Variants in MYO9A observed in about 807,000 individuals in gnomAD.
The protein encoded by MYO9A is unconventional myosin-IXa.
A neutral mutation model predicts 293.3 loss-of-function variants in MYO9A; 103 were observed. That is an observed-to-expected ratio of 0.35 (90% CI 0.30 to 0.41). The LOEUF (loss-of-function observed/expected upper bound fraction) is 0.41. Ranked by LOEUF, MYO9A falls within the 10% of genes least tolerant of loss-of-function variation. The pLI is 1.00. For synonymous variants in MYO9A, 1,001 were observed against 1,035.7 expected, an observed-to-expected ratio of 0.97 and a Z score of 0.64; for missense variants, 2,685 against 3,033.0, an observed-to-expected ratio of 0.89 and a Z score of 2.69.
intron 41 of MYO9A, 105 bp downstream of exon 41, chr15:71,827,779 G>A (rs890527780): frequency 1.6e-6 from 2 of 1,260,876 alleles, no homozygotes; most frequent in Non-Finnish European, 2.2e-6. Flanking sequence ...TGTTATTGCT[G>A]ATGTACAGTC....
chr15:71,899,119 C>CAG, intron 24 of MYO9A, 87 bp from the exon 25 acceptor site: 1 of 1,253,738 alleles, frequency 8.0e-7, no homozygotes, highest in South Asian at 1.5e-5. Flanking sequence ...AGAAAAAATG[C>CAG]AGAGTTGTAA....
intron 31 of MYO9A, among the ~76,000 whole-genome samples, chr15:71,876,580 C>T (rs184621001): frequency 1.5e-3 from 226 of 151,808 alleles, no homozygotes; most frequent in Non-Finnish European, 2.8e-3. Flanking sequence ...GGACTACAGG[C>T]GTGTGCCAGC....
chr15:71,885,205 T>C (rs2056984682), intron 27 of MYO9A, among the ~76,000 whole-genome samples: 1 of 152,088 alleles, frequency 6.6e-6, no homozygotes, highest in Admixed American at 6.6e-5. Context: ...ACCATTCCAG[T>C]CCTAACCATA....
intron 4 of MYO9A, among the ~76,000 whole-genome samples, chr15:72,023,025 C>G (rs528727791): frequency 6.6e-6 from 1 of 151,956 alleles, no homozygotes; most frequent in Non-Finnish European, 1.5e-5. Flanking sequence ...CAATGAACTA[C>G]AGAAAGTCAC....
At chr15:71,952,293 C>A (rs1243914431) in intron 14 of MYO9A, among the ~76,000 whole-genome samples, 2 of 152,198 alleles carry the variant, frequency 1.3e-5, no homozygotes, top group African/African-American at 2.4e-5. Flanking sequence ...GAGAAATATA[C>A]CCAGAACAAT....
intron 32 of MYO9A, among the ~76,000 whole-genome samples, chr15:71,871,047 A>G (rs2056495716): frequency 6.6e-6 from 1 of 152,232 alleles, no homozygotes; most frequent in Admixed American, 6.5e-5. Flanking sequence ...AAATTCAAGA[A>G]TGATTAAATA....
chr15:72,090,241 T>C (rs905878996), intron 1 of MYO9A, among the ~76,000 whole-genome samples: 6 of 152,214 alleles, frequency 3.9e-5, no homozygotes, highest in African/African-American at 1.4e-4. Context: ...TAGAAGTTCT[T>C]CTTTTAATAC....
At chr15:72,023,709 A>AG (rs1053214157) in intron 4 of MYO9A, among the ~76,000 whole-genome samples, 4 of 151,146 alleles carry the variant, frequency 2.6e-5, no homozygotes, top group African/African-American at 7.3e-5. Context: ...AAAAAAAAAA[A>AG]AAAAGAAAAG....
Position 71,878,146 on chromosome 15 carries a change from C to T in MYO9A, c.5825G>A (p.Arg1942His), listed in dbSNP as rs765757536. Residue 1942 changes from arginine to histidine, a missense_variant, in exon 31 of 42, where the codon CGT (arginine) becomes CAT (histidine). Physicochemically the swap from Arg to His is conservative, Grantham distance 29. Coordinates refer to ENST00000356056, the MANE Select transcript of MYO9A (RefSeq NM_006901.4). ...CACTGGAGATTCACCCAGTGAATCA[C>T]GCTGCTCAAGCCTCATCGTCTTTTC... ...ILEKTMRLEQ[R>H]DSLGESPVRV... The T allele has an allele frequency of 4.3e-6, 7 of 1,613,026 alleles. No homozygotes were observed. The highest frequency in any genetic ancestry group is 3.3e-5 in the Admixed American group (2 of 59,738).
intron 1 of MYO9A, among the ~76,000 whole-genome samples, chr15:72,053,941 T>C (rs2149832940): frequency 6.6e-6 from 1 of 152,268 alleles, no homozygotes; most frequent in Middle Eastern, 3.4e-3. Context: ...AGTAAAGTTT[T>C]AAAGCTAAAT....
rs755031712 is a variant in MYO9A at position 72,046,460 on chromosome 15, G to A, written c.104C>T (p.Pro35Leu). 11 of 1,614,134 alleles carry A rather than the reference G, an allele frequency of 6.8e-6. No individual in the cohort carries two copies. The highest frequency in any genetic ancestry group is 9.3e-6 in the Non-Finnish European group (11 of 1,180,034). The change falls in exon 2 of 42, where the codon CCT (proline) becomes CTT (leucine). Residue 35 changes from proline to leucine, a missense_variant. Pro to Leu is a moderately conservative substitution (Grantham distance 98). Coordinates refer to ENST00000356056, the MANE Select transcript of MYO9A (RefSeq NM_006901.4). ...AGCAGCTGTGGAGTTTTTTCTGGCAGGAATCGGACAGTAGATTGTCCCTTC... is the reference window on the plus strand; with the variant it reads ...AGCAGCTGTGGAGTTTTTTCTGGCAAGAATCGGACAGTAGATTGTCCCTTC... ...ISEGTIYCPIPARKNSTAAEV... is the reference protein window; with the variant it reads ...ISEGTIYCPILARKNSTAAEV...
At position 71,898,605 on chromosome 15, in the gene MYO9A, G is replaced by C; in HGVS notation, c.3898C>G (p.Pro1300Ala). The change falls in exon 25 of 42, where the codon CCT becomes GCT. Residue 1300 changes from proline (P) to alanine (A), a missense_variant. Physicochemically the swap from Pro to Ala is conservative, Grantham distance 27. Coordinates refer to ENST00000356056, the MANE Select transcript of MYO9A (RefSeq NM_006901.4). ...LKVRSLGGISPSEDRRWSTEL... is the reference protein window; with the variant it reads ...LKVRSLGGISASEDRRWSTEL... ...GTAGACCATCTGCGATCCTCTGAAG[G>C]AGAAATACCACCAAGAGAACGAACT... 1.2e-6 allele frequency: 2 copies of C among 1,614,056 alleles called. No individual in the cohort carries two copies. The highest frequency in any genetic ancestry group is 2.7e-5 in the African/African-American group (2 of 75,016).
At chr15:71,879,915 TG>T in intron 29 of MYO9A, 78 bp from the exon 30 acceptor site, 4 of 982,862 alleles carry the variant, frequency 4.1e-6, no homozygotes, top group Non-Finnish European at 6.4e-6. Flanking sequence ...CATGTATTGT[TG>T]CTTCCACAAT....
intron 6 of MYO9A, among the ~76,000 whole-genome samples, chr15:72,012,383 C>A (rs966542660): frequency 1.3e-5 from 2 of 152,088 alleles, no homozygotes; most frequent in African/African-American, 4.8e-5. Context: ...CAACCTCTGC[C>A]TCCCGGGTTC....
intron 19 of MYO9A, among the ~76,000 whole-genome samples, chr15:71,906,236 G>C (rs1027417142): frequency 6.6e-6 from 1 of 152,052 alleles, no homozygotes; most frequent in Non-Finnish European, 1.5e-5. Flanking sequence ...CCTAGTTTAC[G>C]ATCTACCTTG....
intron 1 of MYO9A, among the ~76,000 whole-genome samples, chr15:72,111,230 C>A (rs1377850183): frequency 6.6e-6 from 1 of 151,742 alleles, no homozygotes; most frequent in Non-Finnish European, 1.5e-5. Context: ...TGGCTCACAC[C>A]TATAATCCCA....
intron 1 of MYO9A, among the ~76,000 whole-genome samples, chr15:72,072,352 C>T (rs989721549): frequency 6.6e-5 from 10 of 152,078 alleles, no homozygotes; most frequent in African/African-American, 1.2e-4. Flanking sequence ...GGGATGGTCT[C>T]GATCTCCTGA....
intron 11 of MYO9A, among the ~76,000 whole-genome samples, chr15:71,980,000 G>A (rs1472451891): frequency 2.6e-5 from 4 of 151,952 alleles, no homozygotes; most frequent in Non-Finnish European, 5.9e-5. Flanking sequence ...ACAATAACTT[G>A]TTCACCCATT....
At chr15:72,032,760 A>G (rs112339054) in intron 2 of MYO9A, among the ~76,000 whole-genome samples, 172 bp from the exon 3 acceptor site, 1 of 151,016 alleles carries the variant, frequency 6.6e-6, no homozygotes, top group Non-Finnish European at 1.5e-5. Context: ...AAATTTTTTT[A>G]AAAAAAAAGC....
Sources: allele counts gnomAD v4.1 joint callset (sites outside exome capture counted in the v4.1 genomes callset), GRCh38; gene constraint gnomAD v4.1.1; transcripts MANE v1.5; gene names NCBI Gene and HGNC (gene_info 2026-07-23, HGNC 2026-07-21).